Variants in GARIN5A observed in about 807,000 individuals in gnomAD.
GARIN5A encodes golgi associated RAB2 interactor 5A.
At chr19:50,473,354 CCTCT>C in the GARIN5A span, among the ~76,000 whole-genome samples, 1 of 151,946 alleles carries the variant, frequency 6.6e-6, no homozygotes, top group South Asian at 2.1e-4. Flanking sequence ...TTCTTTCTTC[CCTCT>C]CTTTCTTTCT....
the GARIN5A span, among the ~76,000 whole-genome samples, chr19:50,472,209 CATGTGT>C: frequency 2.6e-5 from 3 of 117,202 alleles, no homozygotes; most frequent in African/African-American, 7.9e-5. Context: ...CATGTATATA[CATGTGT>C]GTATGTATAT....
the GARIN5A span, among the ~76,000 whole-genome samples, chr19:50,471,910 GTGTA>G: frequency 2.3e-3 from 338 of 147,064 alleles, 6 homozygotes; most frequent in Non-Finnish European, 3.7e-3. Flanking sequence ...ACATGTATGT[GTGTA>G]TATGTGTATA....
the GARIN5A span, chr19:50,475,412 AC>A: frequency 1.2e-6 from 2 of 1,610,132 alleles, no homozygotes; most frequent in Non-Finnish European, 8.5e-7. Context: ...GGAGGCTGCC[AC>A]CCCCATGGTG....
At chr19:50,467,463 G>T in the GARIN5A span, 1 of 824,170 alleles carries the variant, frequency 1.2e-6, no homozygotes, top group South Asian at 1.7e-5. Context: ...CAGGAGTCCA[G>T]GACCCAAGCT....
chr19:50,467,387 C>A, the GARIN5A span, among the ~76,000 whole-genome samples: 1 of 151,952 alleles, frequency 6.6e-6, no homozygotes, highest in Non-Finnish European at 1.5e-5. Context: ...ACCAGGAGTC[C>A]AGGCCCCAGC....
At chr19:50,468,085 G>A in the GARIN5A span, among the ~76,000 whole-genome samples, 1 of 152,212 alleles carries the variant, frequency 6.6e-6, no homozygotes, top group African/African-American at 2.4e-5. Context: ...CTGGGGCCAG[G>A]CGTGGTGGCT....
the GARIN5A span, among the ~76,000 whole-genome samples, chr19:50,471,794 GCA>G: frequency 7.1e-6 from 1 of 140,588 alleles, no homozygotes; most frequent in East Asian, 2.1e-4. Flanking sequence ...ACGCATACAT[GCA>G]TGTGTATACG....
At chr19:50,475,798 G>C in the GARIN5A span, 1 of 1,485,604 alleles carries the variant, frequency 6.7e-7, no homozygotes, top group Non-Finnish European at 9.4e-7. Flanking sequence ...GGGGCAGGCC[G>C]AGGCTGGGGA....
chr19:50,467,978 A>G, the GARIN5A span: 1 of 688,610 alleles, frequency 1.5e-6, no homozygotes, highest in South Asian at 1.8e-5. Context: ...GTCCATTCCC[A>G]ACTTTCTTCC....
the GARIN5A span, among the ~76,000 whole-genome samples, chr19:50,472,016 GTGTA>G: frequency 3.4e-5 from 5 of 148,254 alleles, no homozygotes; most frequent in African/African-American, 1.3e-4. Context: ...ATATATACGT[GTGTA>G]TATGTATATG....
chr19:50,476,385 C>A, the GARIN5A span: 1 of 1,556,952 alleles, frequency 6.4e-7, no homozygotes, highest in South Asian at 1.2e-5. Context: ...AGGGGCGGCC[C>A]CATCCTGCTG....
At chr19:50,476,531 G>A in the GARIN5A span, 10 of 1,570,814 alleles carry the variant, frequency 6.4e-6, no homozygotes, top group Admixed American at 1.6e-4. Context: ...CTTCGCTGGT[G>A]GGAAGAAGCC....
At chr19:50,468,666 C>T in the GARIN5A span, among the ~76,000 whole-genome samples, 4 of 152,052 alleles carry the variant, frequency 2.6e-5, no homozygotes, top group East Asian at 3.9e-4. Context: ...TGCAGTGGCA[C>T]GGTCATAGCT....
the GARIN5A span, among the ~76,000 whole-genome samples, chr19:50,470,192 G>A: frequency 6.6e-6 from 1 of 152,320 alleles, no homozygotes; most frequent in African/African-American, 2.4e-5. Flanking sequence ...GTCTAAGACA[G>A]CAGAGCACGT....
the GARIN5A span, chr19:50,475,796 C>G: frequency 2.0e-6 from 3 of 1,474,532 alleles, no homozygotes; most frequent in African/African-American, 4.2e-5. Flanking sequence ...GAGGGGCAGG[C>G]CGAGGCTGGG....
At chr19:50,470,576 G>C in the GARIN5A span, among the ~76,000 whole-genome samples, 1 of 151,400 alleles carries the variant, frequency 6.6e-6, no homozygotes, top group Non-Finnish European at 1.5e-5. Flanking sequence ...TGTGCTCATG[G>C]CAATACAAAA....
chr19:50,475,581 G>A, the GARIN5A span: 1 of 909,172 alleles, frequency 1.1e-6, no homozygotes, highest in Admixed American at 2.8e-5. Context: ...CAGGCTGGGG[G>A]CCAGATATCT....
the GARIN5A span, chr19:50,476,401 A>C: frequency 3.2e-6 from 5 of 1,549,782 alleles, no homozygotes; most frequent in East Asian, 9.1e-5. Flanking sequence ...TGCTGACGTC[A>C]GGCCCCAGGT....
chr19:50,473,312 C>T, the GARIN5A span, among the ~76,000 whole-genome samples: 1 of 152,014 alleles, frequency 6.6e-6, no homozygotes, highest in African/African-American at 2.4e-5. Context: ...TTTCTCCCTC[C>T]TTACTTTCTT....
Sources: allele counts gnomAD v4.1 joint callset (sites outside exome capture counted in the v4.1 genomes callset), GRCh38; gene constraint gnomAD v4.1.1; transcripts MANE v1.5; gene names NCBI Gene and HGNC (gene_info 2026-07-23, HGNC 2026-07-21).